DHRS9: variants seen among roughly 807,000 people sequenced by gnomAD.
The protein encoded by DHRS9 is dehydrogenase/reductase 9, also known as dehydrogenase/reductase SDR family member 9.
In DHRS9, 18 loss-of-function variants were observed where a neutral mutation model predicts 26.6. The observed-to-expected ratio is 0.68, with a 90% CI of 0.47 to 1.00. The LOEUF (loss-of-function observed/expected upper bound fraction) is 1.00, where lower values mean the gene tolerates loss of function less well. Among genes scored for constraint, DHRS9 ranks in the 50% least tolerant of loss-of-function variants. DHRS9 has a pLI of 0.00. For missense variants in DHRS9, 425 were observed against 378.7 expected, an observed-to-expected ratio of 1.12 and a Z score of -1.01; for synonymous variants, 134 against 141.1, an observed-to-expected ratio of 0.95 and a Z score of 0.36.
intron 3 of DHRS9, among the ~76,000 whole-genome samples, chr2:169,083,921 A>G (rs1368143927): frequency 1.3e-5 from 2 of 152,128 alleles, no homozygotes; most frequent in Non-Finnish European, 2.9e-5. Context: ...GCTATCAAAT[A>G]CTAGATCTTA....
upstream of DHRS9, chr2:169,067,380 ATCTGAGTTTCCTCC>A: frequency 8.4e-6 from 12 of 1,431,214 alleles, no homozygotes; most frequent in Non-Finnish European, 1.1e-5. Context: ...ACAGCCTCAG[ATCTGAGTTTCCTCC>A]TTATGTTTTG....
intron 3 of DHRS9, among the ~76,000 whole-genome samples, chr2:169,085,345 T>C: frequency 6.6e-6 from 1 of 152,178 alleles, no homozygotes; most frequent in East Asian, 1.9e-4. Flanking sequence ...AATTTTAGGA[T>C]TGTTTTTTCT....
At chr2:169,083,720 T>G (rs1684266192) in intron 3 of DHRS9, 133 bp downstream of exon 3, 1 of 981,886 alleles carries the variant, frequency 1.0e-6, no homozygotes. Flanking sequence ...GGGTACATAG[T>G]AGGTATATAT....
At position 169,082,631 on chromosome 2, in the gene DHRS9, C is replaced by T. The variant is rs1180217157; in HGVS notation, c.314-698C>T. 4.6e-5 allele frequency among the ~76,000 whole-genome samples: 7 copies of T among 152,210 alleles called. No individual in the cohort carries two copies. In the East Asian group the frequency reaches 1.4e-3, roughly 29 times the overall value. ...TCGATTTTTAACACTTGAATTCCAA[C>T]ACCTTTAAAAATACTAAATGTTTCC... On this transcript the variant is annotated intron_variant, in intron 2 of 4. Transcript: ENST00000674881.
At chr2:169,087,122 G>A (rs1249046148) in intron 3 of DHRS9, among the ~76,000 whole-genome samples, 1 of 152,166 alleles carries the variant, frequency 6.6e-6, no homozygotes, top group Non-Finnish European at 1.5e-5. Flanking sequence ...GAAGCCAGGG[G>A]CTGGAGTCAG....
At chr2:169,081,300 T>A in intron 1 of DHRS9, 1 of 850,634 alleles carries the variant, frequency 1.2e-6, no homozygotes, top group Non-Finnish European at 1.6e-6. Context: ...CTCTTCCATT[T>A]AATTTCTCTG....
chr2:169,069,850 G>T, intron 1 of DHRS9, 133 bp downstream of exon 1: 7 of 843,642 alleles, frequency 8.3e-6, no homozygotes, highest in Non-Finnish European at 1.0e-5. Flanking sequence ...TTCTTTTAAT[G>T]TAACACATTA....
At chr2:169,071,645 C>T (rs1053572923) in intron 1 of DHRS9, among the ~76,000 whole-genome samples, 3 of 152,172 alleles carry the variant, frequency 2.0e-5, no homozygotes, top group Non-Finnish European at 4.4e-5. Context: ...CAAGGATTAC[C>T]TCCTGCCCTC....
intron 1 of DHRS9, among the ~76,000 whole-genome samples, chr2:169,080,049 GA>G (rs3834151): frequency 2.9e-5 from 4 of 138,002 alleles, no homozygotes; most frequent in Non-Finnish European, 6.3e-5. Flanking sequence ...AAGAAAGAAA[GA>G]AAATAAAGTC....
At chr2:169,077,697 T>C (rs892946790) in intron 1 of DHRS9, among the ~76,000 whole-genome samples, 4 of 152,130 alleles carry the variant, frequency 2.6e-5, no homozygotes, top group African/African-American at 7.2e-5. Flanking sequence ...AATGGCACCC[T>C]TTTGTCTGAG....
At position 169,076,435 on chromosome 2, in the gene DHRS9, T is replaced by G. The variant is rs1319956412; in HGVS notation, c.-59-5088T>G. On this transcript the variant is annotated intron_variant, in intron 1 of 4. Transcript: ENST00000674881. ...AGAACATGAACACAATGTTTAGAAA[T>G]TGGTTTCTGAGCCCTTGGTATGTTC... Among the ~76,000 whole-genome samples the G allele has an allele frequency of 5.3e-5, 8 of 152,356 alleles. No individual in the cohort carries two copies. In the South Asian group the frequency reaches 1.7e-3, roughly 32 times the overall value.
intron 1 of DHRS9, among the ~76,000 whole-genome samples, chr2:169,077,689 T>C (rs1409827593): frequency 6.6e-6 from 1 of 152,144 alleles, no homozygotes; most frequent in Non-Finnish European, 1.5e-5. Context: ...AAAGTTCTAA[T>C]GGCACCCTTT....
chr2:169,067,376 T>G, upstream of DHRS9: 1 of 1,440,788 alleles, frequency 6.9e-7, no homozygotes, highest in East Asian at 2.5e-5. Context: ...TGAGACAGCC[T>G]CAGATCTGAG....
rs1684681773 is a variant in DHRS9, at chr2:169,095,800, T to C, written c.*33T>C. 1 of 1,594,194 alleles carries C rather than the reference T, an allele frequency of 6.3e-7. No individual in the cohort carries two copies. The highest frequency in any genetic ancestry group is 8.6e-7 in the Non-Finnish European group (1 of 1,163,774). On this transcript the variant is annotated 3_prime_UTR_variant, in exon 5 of 5. Coordinates refer to ENST00000674881, the MANE Select transcript of DHRS9 (RefSeq NM_001376924.1). ...AACCACAAATGTCTCCTCCAGGCTA[T>C]GAAATTGGCCGATTTCAAGAACACA... is the stretch of plus-strand genomic sequence containing the variant.
chr2:169,082,536 T>A lies in DHRS9; in HGVS notation c.313+642T>A, dbSNP rs568366574. Among the ~76,000 whole-genome samples the A allele has an allele frequency of 2.0e-5, 3 of 152,198 alleles. No individual in the cohort carries two copies. The East Asian group carries it at 5.8e-4, about 29-fold the overall frequency. ...CAAAGGAAAAAACAAATGTTTGCGATTTTTTTTCTAGCACATCTTGATCAT... is the reference window on the plus strand; with the variant it reads ...CAAAGGAAAAAACAAATGTTTGCGAATTTTTTTCTAGCACATCTTGATCAT... On this transcript the variant is annotated intron_variant, in intron 2 of 4. Coordinates refer to ENST00000674881, the MANE Select transcript of DHRS9 (RefSeq NM_001376924.1).
At chr2:169,091,683 C>A in intron 3 of DHRS9, 107 bp from the exon 4 acceptor site, 1 of 1,262,586 alleles carries the variant, frequency 7.9e-7, no homozygotes, top group Non-Finnish European at 1.1e-6. Context: ...TCAAATGCAC[C>A]CAAATCTGTG....
At chr2:169,072,711 C>G (rs1341770777) in intron 1 of DHRS9, 20 of 948,194 alleles carry the variant, frequency 2.1e-5, no homozygotes, top group Non-Finnish European at 1.6e-5. Flanking sequence ...AACTAGTTCT[C>G]CTTTCTTGGT....
chr2:169,074,481 T>C, intron 1 of DHRS9: 1 of 984,118 alleles, frequency 1.0e-6, no homozygotes, highest in Middle Eastern at 5.2e-4. Context: ...GTTCCTGGAG[T>C]TTCTGAATTG....
intron 3 of DHRS9, among the ~76,000 whole-genome samples, chr2:169,090,239 T>C (rs1466500611): frequency 6.6e-6 from 1 of 152,186 alleles, no homozygotes; most frequent in Non-Finnish European, 1.5e-5. Context: ...AACTGTATTT[T>C]CCCAGCATGC....
Sources: gnomAD v4.1 joint callset for allele counts (sites outside exome capture counted in the v4.1 genomes callset) on GRCh38, gnomAD v4.1.1 for gene constraint, MANE v1.5 for transcripts, NCBI Gene and HGNC (gene_info 2026-07-23, HGNC 2026-07-21) for gene names.